Variants in MAGI1 observed in about 807,000 individuals in gnomAD.
The protein encoded by MAGI1 is membrane associated guanylate kinase, WW and PDZ domain containing 1.
Under a neutral mutation model 139.9 loss-of-function variants are expected in MAGI1, and 58 were observed. The ratio of observed to expected loss-of-function variants is 0.41; its 90% CI spans 0.34 to 0.52. The LOEUF is 0.52. MAGI1 is among the 20% of genes least tolerant of loss of function. MAGI1 has a pLI of 0.12. For synonymous variants in MAGI1, 812 were observed against 737.9 expected, an observed-to-expected ratio of 1.10 and a Z score of -1.63; for missense variants, 1,874 against 1,901.6, an observed-to-expected ratio of 0.99 and a Z score of 0.27.
chr3:65,929,492 G>A (rs747821046), intron 1 of MAGI1, among the ~76,000 whole-genome samples: 2 of 151,834 alleles, frequency 1.3e-5, no homozygotes, highest in African/African-American at 2.4e-5. Flanking sequence ...CAACTACCAT[G>A]CCCAGCTAAT....
intron 1 of MAGI1, among the ~76,000 whole-genome samples, chr3:65,958,329 C>G (rs1448787191): frequency 6.6e-6 from 1 of 152,196 alleles, no homozygotes. Flanking sequence ...TCCCTTCACC[C>G]TCCAATGTTC....
Position 65,819,875 on chromosome 3 carries a change from C to CAAAAAAAAAAAAAAAAAAAAAAAA in MAGI1, c.314-197788_314-197787insTTTTTTTTTTTTTTTTTTTTTTTT, listed in dbSNP as rs3077818. Among the ~76,000 whole-genome samples the CAAAAAAAAAAAAAAAAAAAAAAAA allele has an allele frequency of 4.3e-3, 145 of 33,456 alleles. 15 individuals are homozygous for CAAAAAAAAAAAAAAAAAAAAAAAA. Among genetic ancestry groups the CAAAAAAAAAAAAAAAAAAAAAAAA allele is most frequent in the Middle Eastern group, 0.019 (1 of 54 alleles). 21.9% of individuals were successfully genotyped at this position (33,456 alleles called of 152,430 possible). A position where few individuals can be genotyped will look rare whatever the true frequency, so the allele number is the denominator to read the frequency against. On this transcript the variant is annotated intron_variant, in intron 1 of 22. Coordinates refer to ENST00000402939, the MANE Select transcript of MAGI1 (RefSeq NM_001033057.2). The stretch of plus-strand genomic sequence containing the variant: ...CTAGCCACAGAGCAAGACTCCATCT[C>CAAAAAAAAAAAAAAAAAAAAAAAA]AAAAAAAAAAAAAAAAAAAAAAGGA...
At chr3:65,830,310 T>C (rs1180538122) in intron 1 of MAGI1, among the ~76,000 whole-genome samples, 4 of 151,848 alleles carry the variant, frequency 2.6e-5, no homozygotes, top group Admixed American at 6.6e-5. Context: ...GGGGAAAATC[T>C]TATAAAAGGA....
chr3:65,600,303 G>C (rs1394006064), intron 2 of MAGI1, among the ~76,000 whole-genome samples: 1 of 152,172 alleles, frequency 6.6e-6, no homozygotes, highest in Non-Finnish European at 1.5e-5. Flanking sequence ...CAAGGATGTA[G>C]CTTTCCAGTC....
intron 1 of MAGI1, among the ~76,000 whole-genome samples, chr3:66,028,226 C>A (rs955389236): frequency 2.6e-5 from 4 of 152,122 alleles, no homozygotes; most frequent in African/African-American, 9.7e-5. Flanking sequence ...CGCTTGAGCC[C>A]AGGAGGTGGG....
chr3:65,916,689 T>C (rs1279020096), intron 1 of MAGI1, among the ~76,000 whole-genome samples: 2 of 152,000 alleles, frequency 1.3e-5, no homozygotes, highest in Non-Finnish European at 2.9e-5. Context: ...CAAACCACAA[T>C]CGCCTCCCAC....
At chr3:65,708,165 C>A (rs1203736649) in intron 1 of MAGI1, among the ~76,000 whole-genome samples, 1 of 152,176 alleles carries the variant, frequency 6.6e-6, no homozygotes, top group Non-Finnish European at 1.5e-5. Context: ...ACCTGAGGTT[C>A]AAGACAGGAC....
chr3:65,967,278 G>A (rs549140519), intron 1 of MAGI1, among the ~76,000 whole-genome samples: 1 of 152,174 alleles, frequency 6.6e-6, no homozygotes, highest in African/African-American at 2.4e-5. Context: ...GGGCATACAG[G>A]TGTTTGCTAA....
chr3:65,960,356 C>G (rs573183145), intron 1 of MAGI1, among the ~76,000 whole-genome samples: 41 of 152,296 alleles, frequency 2.7e-4, no homozygotes, highest in African/African-American at 8.9e-4. Flanking sequence ...AAACCTCCAG[C>G]TGTTTCACTG....
chr3:65,979,088 T>TCCCCCTCCCCCC (rs2065420254), intron 1 of MAGI1, among the ~76,000 whole-genome samples: 1 of 52,970 alleles, frequency 1.9e-5, no homozygotes, highest in African/African-American at 7.0e-5. Flanking sequence ...TTTCTTTTCT[T>TCCCCCTCCCCCC]CCCCCCCCCC....
At chr3:65,580,154 T>A (rs1449434080) in intron 2 of MAGI1, among the ~76,000 whole-genome samples, 1 of 152,258 alleles carries the variant, frequency 6.6e-6, no homozygotes, top group East Asian at 1.9e-4. Context: ...GAAAAAAATT[T>A]AAAATGAAGC....
chr3:65,566,516 C>A (rs1175992840), intron 2 of MAGI1, among the ~76,000 whole-genome samples: 1 of 151,848 alleles, frequency 6.6e-6, no homozygotes, highest in Non-Finnish European at 1.5e-5. Context: ...AAGCATATAC[C>A]TCCCACTAAT....
intron 1 of MAGI1, among the ~76,000 whole-genome samples, chr3:65,933,607 C>G (rs1365797663): frequency 6.6e-6 from 1 of 152,094 alleles, no homozygotes; most frequent in Non-Finnish European, 1.5e-5. Context: ...AGGAGGAGTC[C>G]ATACAAGGCC....
chr3:65,719,386 A>T (rs1240632818), intron 1 of MAGI1, among the ~76,000 whole-genome samples: 1 of 151,812 alleles, frequency 6.6e-6, no homozygotes, highest in African/African-American at 2.4e-5. Flanking sequence ...ATGTATATAT[A>T]TTTTAAATTA....
At chr3:65,886,834 A>T (rs2108552677) in intron 1 of MAGI1, among the ~76,000 whole-genome samples, 1 of 152,328 alleles carries the variant, frequency 6.6e-6, no homozygotes, top group East Asian at 1.9e-4. Context: ...CCAAACCTAT[A>T]TGTTGGCTGA....
At chr3:65,548,509 CTCTTTTT>C (rs2079616769) in intron 2 of MAGI1, among the ~76,000 whole-genome samples, 4 of 117,404 alleles carry the variant, frequency 3.4e-5, no homozygotes, top group Admixed American at 1.1e-4. Flanking sequence ...GCAAACAACA[CTCTTTTT>C]TTTTTTTTTT....
intron 2 of MAGI1, among the ~76,000 whole-genome samples, chr3:65,566,771 G>C (rs763534227): frequency 2.0e-5 from 3 of 152,060 alleles, no homozygotes; most frequent in East Asian, 1.9e-4. Context: ...AAACTGGCAG[G>C]ACCTCTGAGA....
chr3:65,531,393 G>A (rs1214910822), intron 2 of MAGI1, among the ~76,000 whole-genome samples: 6 of 152,104 alleles, frequency 3.9e-5, no homozygotes, highest in Non-Finnish European at 8.8e-5. Context: ...GGGAACTCGG[G>A]TGAAGGGTAC....
intron 1 of MAGI1, among the ~76,000 whole-genome samples, chr3:65,748,507 T>C (rs2035882455): frequency 6.6e-6 from 1 of 152,194 alleles, no homozygotes; most frequent in African/African-American, 2.4e-5. Flanking sequence ...AAGTTATGTA[T>C]CTATTCAAAG....
Sources: allele counts gnomAD v4.1 joint callset (sites outside exome capture counted in the v4.1 genomes callset), GRCh38; gene constraint gnomAD v4.1.1; transcripts MANE v1.5; gene names NCBI Gene and HGNC (gene_info 2026-07-23, HGNC 2026-07-21).